POLGARF: variants seen among roughly 807,000 people sequenced by gnomAD.
POLGARF encodes the protein POLG alternative reading frame.
the POLGARF span, chr15:89,333,006 CG>C: frequency 6.8e-7 from 1 of 1,478,944 alleles, no homozygotes; most frequent in South Asian, 1.5e-5. Context: ...GCACCCAGCC[CG>C]TAACAGGACC....
At chr15:89,330,953 C>G in the POLGARF span, among the ~76,000 whole-genome samples, 1 of 152,114 alleles carries the variant, frequency 6.6e-6, no homozygotes, top group Non-Finnish European at 1.5e-5. Context: ...GGGCCCGACA[C>G]TGATTCAGGA....
At chr15:89,332,020 A>C in the POLGARF span, among the ~76,000 whole-genome samples, 1 of 152,230 alleles carries the variant, frequency 6.6e-6, no homozygotes, top group African/African-American at 2.4e-5. Context: ...CAGATCAAAA[A>C]ACAAATCTTT....
the POLGARF span, chr15:89,332,196 C>T: frequency 1.3e-5 from 2 of 152,154 alleles, no homozygotes; most frequent in Non-Finnish European, 2.9e-5. Flanking sequence ...TAGTTTTGCT[C>T]TTTTCAGCCA....
chr15:89,332,698 C>T, the POLGARF span, among the ~76,000 whole-genome samples: 1 of 152,072 alleles, frequency 6.6e-6, no homozygotes, highest in Non-Finnish European at 1.5e-5. Context: ...CAAAAGGGAG[C>T]TTTCTACCGC....
chr15:89,333,303 A>G, the POLGARF span: 2 of 1,555,476 alleles, frequency 1.3e-6, no homozygotes, highest in East Asian at 4.8e-5. Flanking sequence ...GGCCGCCTCC[A>G]GGTAGGGCAG....
chr15:89,330,785 T>C, the POLGARF span, among the ~76,000 whole-genome samples: 1 of 149,974 alleles, frequency 6.7e-6, no homozygotes, highest in African/African-American at 2.5e-5. Flanking sequence ...ATGAATCATC[T>C]CACGGCTGAA....
chr15:89,332,613 C>G, the POLGARF span, among the ~76,000 whole-genome samples: 110 of 60,388 alleles, frequency 1.8e-3, no homozygotes, highest in South Asian at 3.0e-3. Flanking sequence ...GGCAGGGGGG[C>G]GGGGGGGTGT....
At chr15:89,331,688 G>C in the POLGARF span, among the ~76,000 whole-genome samples, 2 of 152,304 alleles carry the variant, frequency 1.3e-5, no homozygotes, top group South Asian at 4.1e-4. Context: ...ATTGTGGGCT[G>C]GTCAGGTACC....
chr15:89,333,315 C>T, the POLGARF span: 3 of 1,557,304 alleles, frequency 1.9e-6, no homozygotes, highest in South Asian at 1.2e-5. Flanking sequence ...GTAGGGCAGG[C>T]TCTGCTTCTG....
At chr15:89,333,585 T>C in the POLGARF span, 1 of 1,608,874 alleles carries the variant, frequency 6.2e-7, no homozygotes, top group African/African-American at 1.3e-5. Context: ...TTGCGGCTGC[T>C]GAGGCTGCTG....
the POLGARF span, chr15:89,333,102 G>A: frequency 3.3e-6 from 5 of 1,516,276 alleles, no homozygotes; most frequent in Admixed American, 8.9e-5. Context: ...TTACCAGGCC[G>A]AGGGGGATAT....
chr15:89,330,388 A>G, the POLGARF span: 1 of 858,566 alleles, frequency 1.2e-6, no homozygotes, highest in Non-Finnish European at 1.9e-6. Flanking sequence ...GCAGCTGGGG[A>G]CACAAGTGAG....
chr15:89,333,629 C>G, the POLGARF span: 5 of 1,594,512 alleles, frequency 3.1e-6, no homozygotes, highest in Non-Finnish European at 4.3e-6. Flanking sequence ...GCTGCTGCTG[C>G]CGCCGCCGCT....
chr15:89,332,678 G>T, the POLGARF span, among the ~76,000 whole-genome samples: 1 of 152,060 alleles, frequency 6.6e-6, no homozygotes, highest in African/African-American at 2.4e-5. Flanking sequence ...TACTGCCTGG[G>T]ACAGTCCCAC....
the POLGARF span, chr15:89,332,510 T>C: frequency 6.7e-6 from 1 of 149,792 alleles, no homozygotes; most frequent in Admixed American, 6.8e-5. Flanking sequence ...AAATGCCTGC[T>C]TGGAAGGCTG....
At chr15:89,330,287 TGA>T in the POLGARF span, 6 of 1,605,716 alleles carry the variant, frequency 3.7e-6, no homozygotes, top group Non-Finnish European at 5.1e-6. Flanking sequence ...CTGAGGGAGG[TGA>T]GAGGCAGGCA....
the POLGARF span, chr15:89,333,368 G>T: frequency 6.3e-7 from 1 of 1,576,910 alleles, no homozygotes. Flanking sequence ...CCCCGTAGAG[G>T]GGCGGCAGGC....
chr15:89,332,752 G>A, the POLGARF span, among the ~76,000 whole-genome samples: 1 of 152,138 alleles, frequency 6.6e-6, no homozygotes, highest in Admixed American at 6.6e-5. Context: ...CTGTTCAAAT[G>A]ACTTTTCAGA....
the POLGARF span, chr15:89,333,578 C>CGGCTGCTGA: frequency 1.2e-5 from 19 of 1,609,472 alleles, no homozygotes; most frequent in East Asian, 6.7e-5. Flanking sequence ...ATAGCACTTG[C>CGGCTGCTGA]GGCTGCTGAG....
Sources: gnomAD v4.1 joint callset for allele counts (sites outside exome capture counted in the v4.1 genomes callset) on GRCh38, gnomAD v4.1.1 for gene constraint, MANE v1.5 for transcripts, NCBI Gene and HGNC (gene_info 2026-07-23, HGNC 2026-07-21) for gene names.